The following SLCO2B1 variants were observed in gnomAD, a reference collection of about 807,000 sequenced individuals.
SLCO2B1 encodes solute carrier organic anion transporter family member 2B1.
Under a neutral mutation model 67.3 loss-of-function variants are expected in SLCO2B1, and 41 were observed. The ratio of observed to expected loss-of-function variants is 0.61; its 90% CI spans 0.47 to 0.79. The LOEUF is 0.79. Ranked by LOEUF, SLCO2B1 falls within the 30% of genes least tolerant of loss-of-function variation. The pLI, the probability that SLCO2B1 is intolerant of heterozygous loss-of-function variation, is 0.00. For missense variants in SLCO2B1, 837 were observed against 920.1 expected, an observed-to-expected ratio of 0.91 and a Z score of 1.17; for synonymous variants, 379 against 381.4, an observed-to-expected ratio of 0.99 and a Z score of 0.07.
At chr11:75,200,159 A>C in intron 10 of SLCO2B1, 65 bp from the exon 11 acceptor site, 1 of 1,521,372 alleles carries the variant, frequency 6.6e-7, no homozygotes, top group Non-Finnish European at 8.9e-7. Flanking sequence ...TCCCCGCTGC[A>C]AGCCCTTGGC....
chr11:75,194,182 C>A (rs747465102), intron 9 of SLCO2B1, among the ~76,000 whole-genome samples: 7 of 152,220 alleles, frequency 4.6e-5, no homozygotes, highest in Non-Finnish European at 1.0e-4. Flanking sequence ...ATCTGTGAGG[C>A]AGCACCTGCC....
chr11:75,188,739 C>T (rs937697835), intron 8 of SLCO2B1, among the ~76,000 whole-genome samples: 14 of 152,112 alleles, frequency 9.2e-5, no homozygotes, highest in Admixed American at 5.2e-4. Context: ...AAAAAACCTT[C>T]CCTATCCGTC....
At chr11:75,203,493 A>G (rs1168178956) in intron 13 of SLCO2B1, 66 bp downstream of exon 13, 19 of 1,595,106 alleles carry the variant, frequency 1.2e-5, no homozygotes, top group Middle Eastern at 1.7e-4. Context: ...CAGGCAGGAT[A>G]CCAGCAGGGA....
Position 75,193,171 on chromosome 11 carries a change from C to G in SLCO2B1, c.1076-47C>G. The G allele has an allele frequency of 6.9e-7, 1 of 1,447,534 alleles. No homozygotes were observed. Among genetic ancestry groups the G allele is most frequent in the South Asian group, 1.2e-5 (1 of 80,328 alleles). The allele number at this position is 1,447,534 out of a possible 1,614,324, so 89.7% of individuals were successfully genotyped here. A position where few individuals can be genotyped will look rare whatever the true frequency, so the allele number is the denominator to read the frequency against. ...GGGCAGGAGGGCAGTCTCTGCTGGACAGCTTGGCTGCCCTGCCTGCCCTGA... is the reference window on the plus strand; with the variant it reads ...GGGCAGGAGGGCAGTCTCTGCTGGAGAGCTTGGCTGCCCTGCCTGCCCTGA... On this transcript the variant is annotated intron_variant, in intron 8 of 13. Transcript: ENST00000289575. The surrounding 1 kb of genome is among the most constrained non-coding windows in gnomAD (Gnocchi z 4.2).
In SLCO2B1 at chr11:75,165,872, T is replaced by C. The variant is rs1448214443; in HGVS notation, c.371T>C (p.Leu124Pro). The C allele has an allele frequency of 1.2e-6, 2 of 1,614,154 alleles. No homozygotes were observed. The change falls in exon 4 of 14, where the codon CTT becomes CCT. Residue 124 changes from leucine to proline, a missense_variant. Leu to Pro is a moderately conservative substitution (Grantham distance 98). Coordinates refer to ENST00000289575, the MANE Select transcript of SLCO2B1 (RefSeq NM_007256.5). ...RPRMIGYGAILVALAGLLMTL... is the reference protein window; with the variant it reads ...RPRMIGYGAIPVALAGLLMTL... Reference sequence around the variant, plus strand: ...CGAATGATTGGCTATGGGGCTATCCTTGTGGCCCTGGCGGGCCTGCTCATG... The same window carrying C: ...CGAATGATTGGCTATGGGGCTATCCCTGTGGCCCTGGCGGGCCTGCTCATG...
intron 7 of SLCO2B1, among the ~76,000 whole-genome samples, chr11:75,177,749 C>T (rs189871946): frequency 7.2e-4 from 110 of 152,270 alleles, no homozygotes; most frequent in Non-Finnish European, 1.3e-3. Flanking sequence ...AGATGTTCTT[C>T]ATAAATAAGA....
chr11:75,158,581 G>A (rs1949773863), intron 1 of SLCO2B1, among the ~76,000 whole-genome samples: 1 of 152,168 alleles, frequency 6.6e-6, no homozygotes, highest in Non-Finnish European at 1.5e-5. Context: ...TCAGAGTGGG[G>A]TGACTATCCT....
At chr11:75,180,802 GT>G (rs1950083061) in intron 7 of SLCO2B1, among the ~76,000 whole-genome samples, 1 of 152,202 alleles carries the variant, frequency 6.6e-6, no homozygotes, top group Admixed American at 6.5e-5. Context: ...AGTAGATATA[GT>G]TATTACCCCC....
intron 9 of SLCO2B1, among the ~76,000 whole-genome samples, chr11:75,195,997 C>T (rs543588699): frequency 1.3e-5 from 2 of 152,146 alleles, no homozygotes; most frequent in Non-Finnish European, 2.9e-5. Context: ...CTAAAATGTG[C>T]CCTGGACACA....
At chr11:75,183,313 A>G (rs780184876) in intron 7 of SLCO2B1, among the ~76,000 whole-genome samples, 27 of 152,302 alleles carry the variant, frequency 1.8e-4, no homozygotes, top group Middle Eastern at 3.4e-3. Flanking sequence ...TGGACTGGCC[A>G]TATTTCAATT....
rs759807279 is a variant in SLCO2B1, at chr11:75,164,097, C to T, written c.282C>T (p.Asn94=). 12 of 1,606,796 alleles carry T rather than the reference C, an allele frequency of 7.5e-6. No individual in the cohort carries two copies. The highest frequency in any genetic ancestry group is 1.3e-5 in the African/African-American group (1 of 74,794). The stretch of plus-strand genomic sequence containing the variant: ...CGTCGGGGCTGCTGGCCTCCTTCAA[C>T]GAGGTACAGGCCCCACCCAGCCACA... ...SQTSGLLASF[N]EVGNTALIVF... The change falls in exon 3 of 14, where the codon AAC becomes AAT. Residue 94 remains asparagine (N), a synonymous_variant. Transcript: ENST00000289575.
Position 75,169,658 on chromosome 11 carries a change from T to C in SLCO2B1, c.683-8T>C, listed in dbSNP as rs1476210774. On this transcript the variant is annotated splice_polypyrimidine_tract_variant and splice_region_variant and intron_variant, in intron 5 of 13. Transcript: ENST00000289575. ...CCAGAGGATCCTAACTCAGGCTTTG[T>C]GTTGTAGGGATCCTGTTTGCAGTGA... 6.8e-6 allele frequency: 11 copies of C among 1,606,560 alleles called. No homozygotes were observed. Among genetic ancestry groups the C allele is most frequent in the African/African-American group, 1.3e-5 (1 of 74,622 alleles).
intron 8 of SLCO2B1, among the ~76,000 whole-genome samples, chr11:75,190,061 T>C (rs575274449): frequency 9.6e-4 from 146 of 152,014 alleles, no homozygotes; most frequent in African/African-American, 3.3e-3. Flanking sequence ...ACTCCATGCA[T>C]GGTGCTGGGC....
At chr11:75,175,638 A>C (rs930472623) in intron 7 of SLCO2B1, among the ~76,000 whole-genome samples, 1 of 152,064 alleles carries the variant, frequency 6.6e-6, no homozygotes, top group Non-Finnish European at 1.5e-5. Context: ...AATGGGCAGC[A>C]GATCAGACAA....
At chr11:75,169,574 C>T in intron 5 of SLCO2B1, 92 bp from the exon 6 acceptor site, 1 of 1,254,390 alleles carries the variant, frequency 8.0e-7, no homozygotes. Flanking sequence ...CCAGGGGAGA[C>T]AGAGTGTTCT....
chr11:75,195,214 G>A (rs1332174548), intron 9 of SLCO2B1, among the ~76,000 whole-genome samples: 3 of 152,202 alleles, frequency 2.0e-5, no homozygotes, highest in East Asian at 3.9e-4. Flanking sequence ...CAATGACAGC[G>A]AGGAGCGGAG....
intron 7 of SLCO2B1, among the ~76,000 whole-genome samples, chr11:75,176,583 C>T (rs1451323186): frequency 6.6e-6 from 1 of 152,230 alleles, no homozygotes; most frequent in African/African-American, 2.4e-5. Context: ...TAAATGGCTG[C>T]AATTTTGGCT....
At chr11:75,151,565 G>A (rs925691150) in intron 1 of SLCO2B1, among the ~76,000 whole-genome samples, 168 bp downstream of exon 1, 1 of 152,166 alleles carries the variant, frequency 6.6e-6, no homozygotes, top group East Asian at 1.9e-4. Flanking sequence ...TTAAATGAAT[G>A]AGTGAATGAC....
chr11:75,151,242 T>G lies in SLCO2B1; in HGVS notation c.-140T>G. 5.8e-6 allele frequency: 4 copies of G among 690,856 alleles called. No homozygotes were observed. The highest frequency in any genetic ancestry group is 1.0e-5 in the Non-Finnish European group (4 of 395,646). The allele number at this position is 690,856 out of a possible 1,614,324, so 42.8% of individuals were successfully genotyped here. ...GAAGAACTGACCCCGTGTCTGGAGCTCCCACCGTTATTGCATCCCTGCTGT... is the reference window on the plus strand; with the variant it reads ...GAAGAACTGACCCCGTGTCTGGAGCGCCCACCGTTATTGCATCCCTGCTGT... On this transcript the variant is annotated 5_prime_UTR_variant, in exon 1 of 14. Coordinates refer to ENST00000289575, the MANE Select transcript of SLCO2B1 (RefSeq NM_007256.5).
Sources: gnomAD v4.1 joint callset for allele counts (sites outside exome capture counted in the v4.1 genomes callset) on GRCh38, gnomAD v4.1.1 for gene constraint, Gnocchi (gnomAD v3.1) non-coding constraint, MANE v1.5 for transcripts, NCBI Gene and HGNC (gene_info 2026-07-23, HGNC 2026-07-21) for gene names.